Variants in PCDHB11 observed in about 807,000 individuals in gnomAD.
PCDHB11 encodes the protein protocadherin beta 11.
For synonymous variants in PCDHB11, 522 were observed against 442.0 expected (o/e 1.18, Z -2.27); for missense variants, 1,151 against 1,003.4 (o/e 1.15, Z -1.99).
In PCDHB11 at chr5:141,201,125, T is replaced by G. The variant is rs782227472; in HGVS notation, c.1351T>G (p.Phe451Val). The G allele has an allele frequency of 6.2e-7, 1 of 1,613,970 alleles. No individual in the cohort carries two copies. Among genetic ancestry groups the G allele is most frequent in the South Asian group, 1.1e-5 (1 of 91,072 alleles). ...VSDVNDNAPT[F>V]TQTSYTLFVR... is the part of the protein sequence containing the mutation. The stretch of plus-strand genomic sequence containing the variant: ...TGACGTCAATGACAACGCCCCCACC[T>G]TCACCCAAACCTCCTACACCCTGTT... Residue 451 changes from phenylalanine to valine, a missense_variant, in exon 1 of 1, where the codon TTC (phenylalanine) becomes GTC (valine). Phe to Val is a conservative substitution (Grantham distance 50). Coordinates refer to ENST00000354757, the MANE Select transcript of PCDHB11 (RefSeq NM_018931.3).
In PCDHB11 at chr5:141,201,749, C is replaced by T; in HGVS notation, c.1975C>T (p.Gln659Ter). ...EPPRSATATLQVLLVDGFSQP... is the reference protein window; with the variant it reads ...EPPRSATATL ...TCCGCGCTCGGCCACCGCCACGCTG[C>T]AAGTGCTCCTGGTGGACGGCTTCTC... Residue 659 changes from glutamine to a stop codon, truncating the protein, a stop_gained, in exon 1 of 1, where the codon CAA becomes TAA. Transcript: ENST00000354757. LOFTEE classifies it low-confidence loss of function (END_TRUNC). 1 of 1,608,978 alleles carries T rather than the reference C, an allele frequency of 6.2e-7. No homozygotes were observed. The highest frequency in any genetic ancestry group is 1.1e-5 in the South Asian group (1 of 90,986).
rs139995522 is a variant in PCDHB11 at position 141,201,688 on chromosome 5, C to G, written c.1914C>G (p.His638Gln). ...TGAGCGAGCGCGACGCGGCCAAGCACAGGCTGGTGGTGCTGGTCAAGGACA... is the reference window on the plus strand; with the variant it reads ...TGAGCGAGCGCGACGCGGCCAAGCAGAGGCTGGTGGTGCTGGTCAAGGACA... ...RLLSERDAAK[H>Q]RLVVLVKDNG... The change falls in exon 1 of 1, where the codon CAC becomes CAG. Residue 638 changes from histidine to glutamine, a missense_variant. Physicochemically the swap from His to Gln is conservative, Grantham distance 24. Coordinates refer to ENST00000354757, the MANE Select transcript of PCDHB11 (RefSeq NM_018931.3). The G allele has an allele frequency of 3.3e-3, 5,307 of 1,606,880 alleles. 131 individuals are homozygous for G. The African/African-American group carries it at 0.049, about 15-fold the overall frequency.
Position 141,202,109 on chromosome 5 carries a change from C to T in PCDHB11, c.2335C>T (p.Leu779Phe). Residue 779 changes from leucine (L) to phenylalanine (F), a missense_variant, in exon 1 of 1, where the codon CTT becomes TTT. By Grantham distance (22) the Leu-to-Phe change is conservative (BLOSUM62 0). Transcript: ENST00000354757. ...TATCCCTAATATCCAGGCAAAAGGT[C>T]TTGGGAAGAATAGTGAAGAAAACTC... ...PVIPNIQAKGLGKNSEENSTF... is the reference protein window; with the variant it reads ...PVIPNIQAKGFGKNSEENSTF... 1 of 1,614,090 alleles carries T rather than the reference C, an allele frequency of 6.2e-7. No homozygotes were observed. Among genetic ancestry groups the T allele is most frequent in the Non-Finnish European group, 8.5e-7 (1 of 1,180,014 alleles).
rs638054 is a variant in PCDHB11 at position 141,201,937 on chromosome 5, G to A, written c.2163G>A (p.Ser721=). 9 of 1,613,846 alleles carry A rather than the reference G, an allele frequency of 5.6e-6. No homozygotes were observed. The highest frequency in any genetic ancestry group is 1.7e-4 in the Middle Eastern group (1 of 6,004). Reference sequence around the variant, plus strand: ...TGTGCAGGAGGAGCAGGGCGGCCTCGGTGGGAAGCTGCTCGGTGCCTAAGG... The same window carrying A: ...TGTGCAGGAGGAGCAGGGCGGCCTCAGTGGGAAGCTGCTCGGTGCCTAAGG... ...VRLCRRSRAA[S]VGSCSVPKGP... is the part of the protein sequence containing the mutation. Residue 721 remains serine, a synonymous_variant, in exon 1 of 1, where the codon TCG becomes TCA. Coordinates refer to ENST00000354757, the MANE Select transcript of PCDHB11 (RefSeq NM_018931.3).
rs781925828 is a variant in PCDHB11, at chr5:141,201,829, G to T, written c.2055G>T (p.Ser685=). 9.3e-6 allele frequency: 15 copies of T among 1,610,550 alleles called. No individual in the cohort carries two copies. Among genetic ancestry groups the T allele is most frequent in the South Asian group, 2.2e-5 (2 of 91,014 alleles). Residue 685 remains serine, a synonymous_variant, in exon 1 of 1, where the codon TCG becomes TCT. Transcript: ENST00000354757. ...CACCGGCCCAGGCCCAGGCCGACTC[G>T]CTCACCGTCTACTTGGTGGTGGCGT... ...EAAPAQAQAD[S]LTVYLVVALA...
rs782273385 is a variant in PCDHB11 at position 141,201,807 on chromosome 5, CGGCCCA to C, written c.2044_2049del (p.Gln682_Ala683del). Reference sequence around the variant, plus strand: ...TACCTGCCGCTCCCTGAGGCGGCACCGGCCCAGGCCCAGGCCGACTCGCTCACCGTC... The same window carrying C: ...TACCTGCCGCTCCCTGAGGCGGCACCGGCCCAGGCCGACTCGCTCACCGTC... On this transcript the variant is annotated inframe_deletion, in exon 1 of 1. Coordinates refer to ENST00000354757, the MANE Select transcript of PCDHB11 (RefSeq NM_018931.3). 1 of 1,610,424 alleles carries C rather than the reference CGGCCCA, an allele frequency of 6.2e-7. No homozygotes were observed. The highest frequency in any genetic ancestry group is 1.1e-5 in the South Asian group (1 of 90,996).
chr5:141,201,421 G>A lies in PCDHB11; in HGVS notation c.1647G>A (p.Val549=), dbSNP rs539048166. 5.9e-4 allele frequency: 952 copies of A among 1,611,756 alleles called. No homozygotes were observed. Among genetic ancestry groups the A allele is most frequent in the African/African-American group, 5.7e-3 (427 of 74,984 alleles). ...TGAGCAGCGAGGCGCTGGTGCGCGT[G>A]CTGGTGCTGGACGCCAACGACAACT... ...PALSSEALVR[V]LVLDANDNSP... Residue 549 remains valine, a synonymous_variant, in exon 1 of 1, where the codon GTG becomes GTA. Transcript: ENST00000354757.
Position 141,199,769 on chromosome 5 carries a change from G to A in PCDHB11, c.-6G>A, listed in dbSNP as rs1173580769. On this transcript the variant is annotated 5_prime_UTR_variant, in exon 1 of 1. Transcript: ENST00000354757. ...CTTTCTTCAAGAAGCCTACAAGAAA[G>A]GAACTATGGAGAACCAAGGGACACG... 6 of 1,609,924 alleles carry A rather than the reference G, an allele frequency of 3.7e-6. No homozygotes were observed. The East Asian group carries it at 1.1e-4, about 30-fold the overall frequency.
In PCDHB11 at chr5:141,199,982, G is replaced by T. The variant is rs1554285183; in HGVS notation, c.208G>T (p.Asp70Tyr). 1 of 1,614,154 alleles carries T rather than the reference G, an allele frequency of 6.2e-7. No individual in the cohort carries two copies. The change falls in exon 1 of 1, where the codon GAT (aspartate) becomes TAT (tyrosine). Residue 70 changes from aspartate to tyrosine, a missense_variant. By Grantham distance (160) the Asp-to-Tyr change is radical (BLOSUM62 -3). Transcript: ENST00000354757. ...ACGGGGGGCTCGGGTGGTCTCTAAT[G>T]ATAAGAAACAGCGTTTGCAGCTGGA... ...SSRGARVVSNDKKQRLQLDIN... is the reference protein window; with the variant it reads ...SSRGARVVSNYKKQRLQLDIN...
At position 141,201,789 on chromosome 5, in the gene PCDHB11, C is replaced by T. The variant is rs140365279; in HGVS notation, c.2015C>T (p.Pro672Leu). The stretch of plus-strand genomic sequence containing the variant: ...GACGGCTTCTCCCAGCCCTACCTGC[C>T]GCTCCCTGAGGCGGCACCGGCCCAG... ...LVDGFSQPYLPLPEAAPAQAQ... is the reference protein window; with the variant it reads ...LVDGFSQPYLLLPEAAPAQAQ... The change falls in exon 1 of 1, where the codon CCG (proline) becomes CTG (leucine). Residue 672 changes from proline (P) to leucine (L), a missense_variant. Coordinates refer to ENST00000354757, the MANE Select transcript of PCDHB11 (RefSeq NM_018931.3). The T allele has an allele frequency of 3.5e-5, 56 of 1,610,062 alleles. No individual in the cohort carries two copies. Among genetic ancestry groups the T allele is most frequent in the Non-Finnish European group, 4.7e-5 (55 of 1,179,784 alleles).
At position 141,201,952 on chromosome 5, in the gene PCDHB11, G is replaced by A. The variant is rs202157565; in HGVS notation, c.2178G>A (p.Ser726=). The A allele has an allele frequency of 1.2e-6, 2 of 1,614,018 alleles. No homozygotes were observed. Among genetic ancestry groups the A allele is most frequent in the Non-Finnish European group, 1.7e-6 (2 of 1,179,994 alleles). ...RSRAASVGSC[S]VPKGPFPGHL... is the part of the protein sequence containing the mutation. ...GGGCGGCCTCGGTGGGAAGCTGCTC[G>A]GTGCCTAAGGGCCCCTTTCCAGGGC... Residue 726 remains serine (S), a synonymous_variant, in exon 1 of 1, where the codon TCG becomes TCA. Coordinates refer to ENST00000354757, the MANE Select transcript of PCDHB11 (RefSeq NM_018931.3).
At position 141,200,874 on chromosome 5, in the gene PCDHB11, T is replaced by C; in HGVS notation, c.1100T>C (p.Val367Ala). The C allele has an allele frequency of 6.2e-7, 1 of 1,614,070 alleles. No homozygotes were observed. Among genetic ancestry groups the C allele is most frequent in the South Asian group, 1.1e-5 (1 of 91,070 alleles). The change falls in exon 1 of 1, where the codon GTT becomes GCT. Residue 367 changes from valine (V) to alanine (A), a missense_variant. Physicochemically the swap from Val to Ala is moderately conservative, Grantham distance 64 (BLOSUM62 0). Transcript: ENST00000354757. ...PENTPETVVM[V>A]FSIQDIDSGD... is the part of the protein sequence containing the mutation. ...AATACGCCAGAGACCGTGGTTATGG[T>C]TTTTAGTATCCAAGATATAGACTCT... is the stretch of plus-strand genomic sequence containing the variant.
rs781984382 is a variant in PCDHB11 at position 141,201,350 on chromosome 5, G to A, written c.1576G>A (p.Ala526Thr). The change falls in exon 1 of 1, where the codon GCT (alanine) becomes ACT (threonine). Residue 526 changes from alanine to threonine, a missense_variant. Transcript: ENST00000354757. ...GTCGCTGGACTACGAGGCCCTGCAG[G>A]CTTTCGACTTCCGCGTGGGCGCCAC... ...LRSLDYEALQ[A>T]FDFRVGATDR... 26 of 1,613,106 alleles carry A rather than the reference G, an allele frequency of 1.6e-5. No homozygotes were observed. The South Asian group carries it at 2.9e-4, about 18-fold the overall frequency.
In PCDHB11 at chr5:141,202,032, T is replaced by A; in HGVS notation, c.2258T>A (p.Val753Glu). ...CTTTCCCAGAGCTACCAGTACGAGG[T>A]GTGTCTGACGGGAGGTTCCGAGACA... ...GTLSQSYQYE[V>E]CLTGGSETNE... Residue 753 changes from valine to glutamate, a missense_variant, in exon 1 of 1, where the codon GTG (valine) becomes GAG (glutamate). Val to Glu is a moderately radical substitution (Grantham distance 121). Coordinates refer to ENST00000354757, the MANE Select transcript of PCDHB11 (RefSeq NM_018931.3). 1.2e-6 allele frequency: 2 copies of A among 1,614,124 alleles called. No individual in the cohort carries two copies. Among genetic ancestry groups the A allele is most frequent in the Non-Finnish European group, 1.7e-6 (2 of 1,180,008 alleles).
Position 141,200,213 on chromosome 5 carries a change from C to T in PCDHB11, c.439C>T (p.Pro147Ser). The change falls in exon 1 of 1, where the codon CCC (proline) becomes TCC (serine). Residue 147 changes from proline to serine, a missense_variant. Pro to Ser is a moderately conservative substitution (Grantham distance 74, BLOSUM62 -1). Coordinates refer to ENST00000354757, the MANE Select transcript of PCDHB11 (RefSeq NM_018931.3). ...GCTCCTAGAAATCCCAGAGAACAGTCCCGTTGGTGCTGTGTTCTTACTAGA... is the reference window on the plus strand; with the variant it reads ...GCTCCTAGAAATCCCAGAGAACAGTTCCGTTGGTGCTGTGTTCTTACTAGA... ...QMLLEIPENS[P>S]VGAVFLLESA... 1.2e-6 allele frequency: 2 copies of T among 1,614,124 alleles called. No individual in the cohort carries two copies. Among genetic ancestry groups the T allele is most frequent in the South Asian group, 1.1e-5 (1 of 91,074 alleles).
chr5:141,201,374 A>G lies in PCDHB11; in HGVS notation c.1600A>G (p.Thr534Ala), dbSNP rs145587367. The change falls in exon 1 of 1, where the codon ACA becomes GCA. Residue 534 changes from threonine (T) to alanine (A), a missense_variant. Transcript: ENST00000354757. The part of the protein sequence containing the change: ...LQAFDFRVGA[T>A]DRGSPALSSE... Reference sequence around the variant, plus strand: ...GGCTTTCGACTTCCGCGTGGGCGCCACAGACCGCGGCTCCCCGGCTTTGAG... The same window carrying G: ...GGCTTTCGACTTCCGCGTGGGCGCCGCAGACCGCGGCTCCCCGGCTTTGAG... 2.2e-4 allele frequency: 353 copies of G among 1,612,562 alleles called. No individual in the cohort carries two copies. The Middle Eastern group carries it at 5.5e-3, about 25-fold the overall frequency.
rs1373502112 is a variant in PCDHB11, at chr5:141,201,253, C to G, written c.1479C>G (p.Pro493=). ...AGGTCAACTACTCGCTACTCCCGCC[C>G]CAGGACCTGCACCTGCCCCTCGCCT... ...NAQVNYSLLP[P]QDLHLPLASL... is the part of the protein sequence containing the mutation. Residue 493 remains proline (P), a synonymous_variant, in exon 1 of 1, where the codon CCC becomes CCG. Coordinates refer to ENST00000354757, the MANE Select transcript of PCDHB11 (RefSeq NM_018931.3). 5 of 1,613,268 alleles carry G rather than the reference C, an allele frequency of 3.1e-6. No individual in the cohort carries two copies. Among genetic ancestry groups the G allele is most frequent in the Non-Finnish European group, 2.5e-6 (3 of 1,180,048 alleles).
In PCDHB11 at chr5:141,201,931, G is replaced by A. The variant is rs781951357; in HGVS notation, c.2157G>A (p.Ala719=). ...TGCGGCTGTGCAGGAGGAGCAGGGC[G>A]GCCTCGGTGGGAAGCTGCTCGGTGC... The part of the protein sequence containing the change: ...VAVRLCRRSR[A]ASVGSCSVPK... The change falls in exon 1 of 1, where the codon GCG becomes GCA. Residue 719 remains alanine (A), a synonymous_variant. Transcript: ENST00000354757. 2 of 1,613,946 alleles carry A rather than the reference G, an allele frequency of 1.2e-6. No individual in the cohort carries two copies. The highest frequency in any genetic ancestry group is 2.2e-5 in the East Asian group (1 of 44,860).
In PCDHB11 at chr5:141,199,951, G is replaced by C; in HGVS notation, c.177G>C (p.Leu59=). 1 of 1,614,176 alleles carries C rather than the reference G, an allele frequency of 6.2e-7. No individual in the cohort carries two copies. Among genetic ancestry groups the C allele is most frequent in the Non-Finnish European group, 8.5e-7 (1 of 1,180,036 alleles). ...ACCTGGGGCTGAAGGTGAGAGAACT[G>C]TCCTCACGGGGGGCTCGGGTGGTCT... ...AKDLGLKVRE[L]SSRGARVVSN... is the part of the protein sequence containing the mutation. The change falls in exon 1 of 1, where the codon CTG becomes CTC. Residue 59 remains leucine, a synonymous_variant. Coordinates refer to ENST00000354757, the MANE Select transcript of PCDHB11 (RefSeq NM_018931.3).
Sources: allele counts gnomAD v4.1 joint callset, GRCh38; gene constraint gnomAD v4.1.1; transcripts MANE v1.5; gene names NCBI Gene and HGNC (gene_info 2026-07-23, HGNC 2026-07-21).